The following NRXN3 variants were observed in gnomAD, a reference collection of about 807,000 sequenced individuals.
NRXN3 encodes the protein neurexin III.
Under a neutral mutation model 137.6 loss-of-function variants are expected in NRXN3, and 32 were observed. That is an observed-to-expected ratio of 0.23 (90% CI 0.18 to 0.31). NRXN3 has a LOEUF of 0.31. Among genes scored for constraint, NRXN3 ranks in the 10% least tolerant of loss-of-function variants. The pLI, the probability that NRXN3 is intolerant of heterozygous loss-of-function variation, is 1.00. For missense variants in NRXN3, 1,574 were observed against 2,062.5 expected, an observed-to-expected ratio of 0.76 and a Z score of 4.59; for synonymous variants, 798 against 784.5, an observed-to-expected ratio of 1.02 and a Z score of -0.29.
chr14:78,893,133 C>G (rs2099164038), intron 10 of NRXN3, among the ~76,000 whole-genome samples: 1 of 151,882 alleles, frequency 6.6e-6, no homozygotes, highest in African/African-American at 2.4e-5. Flanking sequence ...CTTGCGTCAT[C>G]TTTCTCTTCC....
At chr14:78,727,244 A>G (rs2098489695) in intron 8 of NRXN3, among the ~76,000 whole-genome samples, 1 of 152,178 alleles carries the variant, frequency 6.6e-6, no homozygotes. Flanking sequence ...TTCTGAAAGG[A>G]ATGATGGCTT....
At chr14:78,350,155 G>A (rs538920353) in intron 4 of NRXN3, among the ~76,000 whole-genome samples, 295 of 152,224 alleles carry the variant, frequency 1.9e-3, no homozygotes, top group Middle Eastern at 0.01. Flanking sequence ...TGAGCATGGT[G>A]GTGCGTACCT....
intron 8 of NRXN3, chr14:78,753,645 C>T (rs1387207866): frequency 1.3e-5 from 2 of 152,226 alleles, no homozygotes; most frequent in Non-Finnish European, 1.5e-5. Context: ...AGTCAGTCCC[C>T]ACAAACCTGA....
chr14:78,405,115 T>C (rs1598310389), intron 4 of NRXN3, among the ~76,000 whole-genome samples: 2 of 152,338 alleles, frequency 1.3e-5, no homozygotes, highest in East Asian at 3.9e-4. Flanking sequence ...TAAGGGTTAC[T>C]GTAACTTCAT....
intron 16 of NRXN3, among the ~76,000 whole-genome samples, chr14:79,540,475 A>G (rs964616931): frequency 2.0e-5 from 3 of 152,072 alleles, no homozygotes; most frequent in East Asian, 1.9e-4. Context: ...CAACAATACA[A>G]TATTTTTATC....
intron 2 of NRXN3, among the ~76,000 whole-genome samples, chr14:78,274,696 T>G (rs879670834): frequency 2.1e-4 from 32 of 152,082 alleles, no homozygotes; most frequent in Non-Finnish European, 3.8e-4. Context: ...GGATTCAGAG[T>G]GGAGGCAGGA....
At chr14:78,512,831 C>T (rs1304721555) in intron 4 of NRXN3, among the ~76,000 whole-genome samples, 1 of 152,166 alleles carries the variant, frequency 6.6e-6, no homozygotes. Flanking sequence ...AAGCTGTGAT[C>T]TCTTAGAATA....
At chr14:78,407,647 C>T (rs2092570406) in intron 4 of NRXN3, among the ~76,000 whole-genome samples, 1 of 152,180 alleles carries the variant, frequency 6.6e-6, no homozygotes, top group African/African-American at 2.4e-5. Flanking sequence ...TATCCAGGCT[C>T]TTCTCTTGTG....
chr14:79,249,571 G>A (rs1054603506), intron 15 of NRXN3, among the ~76,000 whole-genome samples: 2 of 152,162 alleles, frequency 1.3e-5, no homozygotes, highest in Admixed American at 1.3e-4. Flanking sequence ...TGTGAGAGAG[G>A]CAACTCGGTT....
At chr14:79,737,303 G>C (rs1203963038) in intron 19 of NRXN3, among the ~76,000 whole-genome samples, 1 of 152,142 alleles carries the variant, frequency 6.6e-6, no homozygotes, top group East Asian at 1.9e-4. Context: ...ACAATAACTT[G>C]GAATGTGTCT....
At chr14:79,847,877 ATTC>A (rs2099383558) in intron 20 of NRXN3, among the ~76,000 whole-genome samples, 1 of 151,544 alleles carries the variant, frequency 6.6e-6, no homozygotes, top group African/African-American at 2.4e-5. Context: ...ACTGCCAGGA[ATTC>A]TTTTTTTTTT....
At chr14:78,365,694 T>C (rs1567375642) in intron 4 of NRXN3, among the ~76,000 whole-genome samples, 1 of 152,210 alleles carries the variant, frequency 6.6e-6, no homozygotes, top group Non-Finnish European at 1.5e-5. Context: ...AATTTGCTCA[T>C]ATGAGGTTGA....
At chr14:79,473,541 C>T (rs1039882373) in intron 16 of NRXN3, among the ~76,000 whole-genome samples, 1 of 152,058 alleles carries the variant, frequency 6.6e-6, no homozygotes, top group Non-Finnish European at 1.5e-5. Flanking sequence ...CTGGGTTTGG[C>T]CAGTGACAGA....
chr14:78,591,931 T>C (rs1055062417), intron 4 of NRXN3, among the ~76,000 whole-genome samples: 10 of 152,152 alleles, frequency 6.6e-5, no homozygotes, highest in African/African-American at 2.4e-4. Flanking sequence ...ACCCTTCCTG[T>C]GTAGGAAGCA....
intron 16 of NRXN3, among the ~76,000 whole-genome samples, chr14:79,500,138 A>G (rs1013523821): frequency 2.0e-5 from 3 of 151,842 alleles, no homozygotes; most frequent in African/African-American, 7.3e-5. Context: ...AAGTCACTTT[A>G]CAGACATTTA....
intron 19 of NRXN3, among the ~76,000 whole-genome samples, chr14:79,772,453 A>G (rs1053500121): frequency 2.0e-5 from 3 of 152,150 alleles, no homozygotes; most frequent in Non-Finnish European, 4.4e-5. Context: ...AACAGAACAG[A>G]GCCCTCAGAA....
At chr14:79,365,882 GAT>G (rs1202189601) in intron 15 of NRXN3, among the ~76,000 whole-genome samples, 1 of 151,774 alleles carries the variant, frequency 6.6e-6, no homozygotes, top group Non-Finnish European at 1.5e-5. Flanking sequence ...TGTTAAAATT[GAT>G]ATTTCTGTGA....
At chr14:78,629,264 A>AATAAGTATT (rs2097498150) in intron 4 of NRXN3, among the ~76,000 whole-genome samples, 2 of 152,166 alleles carry the variant, frequency 1.3e-5, no homozygotes, top group Admixed American at 1.3e-4. Context: ...ATAGAGAAAA[A>AATAAGTATT]ATAAGTATTG....
At chr14:79,127,388 A>C (rs1216330300) in intron 15 of NRXN3, among the ~76,000 whole-genome samples, 2 of 152,040 alleles carry the variant, frequency 1.3e-5, no homozygotes, top group African/African-American at 4.8e-5. Context: ...TCAGCTTTCT[A>C]CATATGGCTA....
Sources: gnomAD v4.1 joint callset for allele counts (sites outside exome capture counted in the v4.1 genomes callset) on GRCh38, gnomAD v4.1.1 for gene constraint, MANE v1.5 for transcripts, NCBI Gene and HGNC (gene_info 2026-07-23, HGNC 2026-07-21) for gene names.